FHIT: variants seen among roughly 807,000 people sequenced by gnomAD.
The protein encoded by FHIT is bis(5'-adenosyl)-triphosphatase.
A neutral mutation model predicts 17.9 loss-of-function variants in FHIT; 19 were observed. That is an observed-to-expected ratio of 1.06 (90% CI 0.74 to 1.56). FHIT has a LOEUF of 1.56. Ranked by LOEUF, FHIT falls within the 40% of genes most tolerant of loss-of-function variation. The pLI is 0.00. For synonymous variants in FHIT, 81 were observed against 69.7 expected (o/e 1.16, Z -0.81); for missense variants, 248 against 189.2 (o/e 1.31, Z -1.82).
rs143323693 is a variant in FHIT at position 59,850,355 on chromosome 3, T to G, written c.348+71991A>C. Among the ~76,000 whole-genome samples the G allele has an allele frequency of 2.4e-3, 369 of 152,318 alleles. 2 individuals are homozygous for G. Among genetic ancestry groups the G allele is most frequent in the African/African-American group, 8.4e-3 (349 of 41,560 alleles). On this transcript the variant is annotated intron_variant, in intron 8 of 9. Coordinates refer to ENST00000492590, the MANE Select transcript of FHIT (RefSeq NM_002012.4). ...CTAATTTGCAGCTGCATAAGTACTA[T>G]GTTGGGCCCAAAGCTTTGGGTATAT...
At chr3:61,236,908 G>C (rs1193627618) in intron 1 of FHIT, among the ~76,000 whole-genome samples, 1 of 152,126 alleles carries the variant, frequency 6.6e-6, no homozygotes, top group Non-Finnish European at 1.5e-5. Context: ...CCACAATGAA[G>C]ACAGGAAGCA....
chr3:61,042,722 G>A (rs374731707), intron 2 of FHIT, among the ~76,000 whole-genome samples: 1 of 151,700 alleles, frequency 6.6e-6, no homozygotes, highest in Admixed American at 6.6e-5. Context: ...TACCTGTAAT[G>A]CCAGCTACTT....
intron 5 of FHIT, among the ~76,000 whole-genome samples, chr3:60,420,965 G>A (rs904163418): frequency 1.3e-5 from 2 of 149,778 alleles, no homozygotes; most frequent in African/African-American, 2.5e-5. Context: ...TAACTTTCTC[G>A]TCTTTATCTC....
At chr3:60,628,301 G>T (rs77402235) in intron 4 of FHIT, among the ~76,000 whole-genome samples, 2,123 of 152,262 alleles carry the variant, frequency 0.014, 40 homozygotes, top group African/African-American at 0.048. Context: ...TGTAGCTAGA[G>T]AATATACTTT....
chr3:60,028,062 T>G (rs927208330), intron 5 of FHIT, among the ~76,000 whole-genome samples: 24 of 152,262 alleles, frequency 1.6e-4, no homozygotes, highest in African/African-American at 5.8e-4. Flanking sequence ...ATTGTACAGT[T>G]CATCAGGAGA....
At chr3:59,906,802 C>A (rs1704604806) in intron 8 of FHIT, among the ~76,000 whole-genome samples, 1 of 152,054 alleles carries the variant, frequency 6.6e-6, no homozygotes, top group Non-Finnish European at 1.5e-5. Context: ...AAGTTTGTGC[C>A]AACATTTAGT....
chr3:60,361,182 G>A (rs1356368545), intron 5 of FHIT, among the ~76,000 whole-genome samples: 1 of 152,174 alleles, frequency 6.6e-6, no homozygotes, highest in Non-Finnish European at 1.5e-5. Context: ...AGCAAGTCAT[G>A]CCTTTGAAAG....
intron 5 of FHIT, among the ~76,000 whole-genome samples, chr3:60,357,251 A>G (rs1044871078): frequency 1.3e-5 from 2 of 152,114 alleles, no homozygotes; most frequent in African/African-American, 4.8e-5. Context: ...TGTGTCGCGC[A>G]GGCTGGTATG....
chr3:60,394,525 C>T lies in FHIT; in HGVS notation c.103+142335G>A, dbSNP rs115454607. On this transcript the variant is annotated intron_variant, in intron 5 of 9. Coordinates refer to ENST00000492590, the MANE Select transcript of FHIT (RefSeq NM_002012.4). ...TGGCACAGAAGGGGAAAGGATGAAG[C>T]GGCAGTGGAGAGCCATGGTTAAGGA... Among the ~76,000 whole-genome samples the T allele has an allele frequency of 7.4e-3, 1,128 of 152,190 alleles. 6 individuals carry two copies. Among genetic ancestry groups the T allele is most frequent in the South Asian group, 0.013 (61 of 4,812 alleles).
At chr3:60,120,063 G>C (rs1705177230) in intron 5 of FHIT, among the ~76,000 whole-genome samples, 1 of 152,108 alleles carries the variant, frequency 6.6e-6, no homozygotes, top group African/African-American at 2.4e-5. Flanking sequence ...ATTTCTAATA[G>C]TTTAAACTTT....
intron 3 of FHIT, among the ~76,000 whole-genome samples, chr3:60,908,320 A>C (rs564095445): frequency 6.6e-6 from 1 of 152,332 alleles, no homozygotes; most frequent in African/African-American, 2.4e-5. Context: ...TCAACATTTA[A>C]ATCAAAGAAA....
intron 4 of FHIT, among the ~76,000 whole-genome samples, chr3:60,586,335 C>T (rs1406123862): frequency 6.6e-6 from 1 of 151,970 alleles, no homozygotes; most frequent in African/African-American, 2.4e-5. Context: ...TCAAAATAGA[C>T]AGATGTGCTC....
At chr3:60,841,991 A>C (rs540988461) in intron 3 of FHIT, among the ~76,000 whole-genome samples, 90 of 152,202 alleles carry the variant, frequency 5.9e-4, no homozygotes, top group Non-Finnish European at 1.0e-3. Flanking sequence ...ATCGAACTAC[A>C]TCTCTGGTTT....
intron 3 of FHIT, among the ~76,000 whole-genome samples, chr3:61,040,464 GAA>G (rs1405849269): frequency 5.3e-5 from 8 of 152,316 alleles, no homozygotes; most frequent in Non-Finnish European, 8.8e-5. Context: ...ATCCCTTAAA[GAA>G]AGATGAATTT....
intron 7 of FHIT, among the ~76,000 whole-genome samples, chr3:59,982,616 T>C (rs957318809): frequency 3.9e-5 from 6 of 152,208 alleles, no homozygotes; most frequent in Non-Finnish European, 5.9e-5. Flanking sequence ...AAGATTTCTG[T>C]GCTCAATTTC....
At position 60,093,331 on chromosome 3, in the gene FHIT, C is replaced by T. The variant is rs545723360; in HGVS notation, c.104-79179G>A. Among the ~76,000 whole-genome samples, 5 of 152,244 alleles carry T rather than the reference C, an allele frequency of 3.3e-5. No individual in the cohort carries two copies. The East Asian group carries it at 5.8e-4, about 18-fold the overall frequency. On this transcript the variant is annotated intron_variant, in intron 5 of 9. Transcript: ENST00000492590. ...ATCTTTAAAGTCAGCAATAATGGGA[C>T]GAAACCATCTCACATCACATCACTC...
At chr3:60,517,472 C>T (rs1186559599) in intron 5 of FHIT, among the ~76,000 whole-genome samples, 1 of 152,136 alleles carries the variant, frequency 6.6e-6, no homozygotes, top group African/African-American at 2.4e-5. Context: ...CACCCACCTC[C>T]CTAAAACTAC....
rs1387557313 is a variant in FHIT, at chr3:60,883,668, A to G, written c.-110-61657T>C. On this transcript the variant is annotated intron_variant, in intron 3 of 9. Transcript: ENST00000492590. ...GAAAACTGGATATCCATATGCAGAA[A>G]AAATGAAACTAGACCTCTGTCTCTC... Among the ~76,000 whole-genome samples, 53 of 152,006 alleles carry G rather than the reference A, an allele frequency of 3.5e-4. 1 individual carries two copies. The highest frequency in any genetic ancestry group is 8.8e-5 in the Non-Finnish European group (6 of 68,012).
At chr3:60,334,179 T>C (rs754802170) in intron 5 of FHIT, among the ~76,000 whole-genome samples, 86 of 152,238 alleles carry the variant, frequency 5.6e-4, no homozygotes, top group Non-Finnish European at 9.3e-4. Context: ...TTTTCTATTA[T>C]ATTGTTTCTC....
Sources: allele counts gnomAD v4.1 joint callset (sites outside exome capture counted in the v4.1 genomes callset), GRCh38; gene constraint gnomAD v4.1.1; transcripts MANE v1.5; gene names NCBI Gene and HGNC (gene_info 2026-07-23, HGNC 2026-07-21).